CUX2: variants seen among roughly 807,000 people sequenced by gnomAD.
CUX2 encodes cut like homeobox 2, also known as homeobox protein cut-like 2.
CUX2 carries 40 observed loss-of-function variants against 144.8 expected under a neutral mutation model. The ratio of observed to expected loss-of-function variants is 0.28; its 90% confidence interval spans 0.21 to 0.36. The LOEUF (loss-of-function observed/expected upper bound fraction) is 0.36, where lower values mean the gene tolerates loss of function less well. CUX2 is among the 10% of genes least tolerant of loss of function. The pLI, the probability that CUX2 is intolerant of heterozygous loss-of-function variation, is 1.00. For synonymous variants in CUX2, 827 were observed against 875.6 expected (o/e 0.94, Z 0.98); for missense variants, 1,615 against 1,994.0 (o/e 0.81, Z 3.62).
In CUX2 at chr12:111,309,718, T is replaced by C. The variant is rs570383203; in HGVS notation, c.1259-323T>C. On this transcript the variant is annotated intron_variant, in intron 14 of 21. Coordinates refer to ENST00000261726, the MANE Select transcript of CUX2 (RefSeq NM_015267.4). ...CTGCCTCTCTCTGTCATGTGGTTTT[T>C]CACTCTGTCTCTTTGTCTCTTTATC... is the stretch of plus-strand genomic sequence containing the variant. 2.7e-4 allele frequency among the ~76,000 whole-genome samples: 41 copies of C among 151,874 alleles called. 1 individual carries two copies. In the South Asian group the frequency reaches 6.7e-3, roughly 25 times the overall value.
chr12:111,140,814 T>C (rs1265244378), intron 1 of CUX2, among the ~76,000 whole-genome samples: 1 of 152,216 alleles, frequency 6.6e-6, no homozygotes, highest in South Asian at 2.1e-4. Flanking sequence ...GAGCTTCAGT[T>C]TTCCCCTCTC....
chr12:111,152,132 A>T (rs1877086949), intron 1 of CUX2, among the ~76,000 whole-genome samples: 1 of 151,976 alleles, frequency 6.6e-6, no homozygotes, highest in Non-Finnish European at 1.5e-5. Flanking sequence ...AAAAATACAA[A>T]AATTAGCTGG....
At chr12:111,253,464 C>T (rs567171164) in intron 3 of CUX2, among the ~76,000 whole-genome samples, 8 of 152,320 alleles carry the variant, frequency 5.3e-5, no homozygotes, top group Non-Finnish European at 7.3e-5. Context: ...AAGCTCCCCA[C>T]GACGCCTTCC....
chr12:111,100,199 G>A (rs1873129469), intron 1 of CUX2: 4 of 373,040 alleles, frequency 1.1e-5, no homozygotes, highest in Non-Finnish European at 2.1e-5. Context: ...GTGTGTGTGT[G>A]TGTATGTGTG....
chr12:111,103,539 C>T (rs1233172353), intron 1 of CUX2, among the ~76,000 whole-genome samples: 1 of 152,164 alleles, frequency 6.6e-6, no homozygotes, highest in Non-Finnish European at 1.5e-5. Flanking sequence ...GTGCTCAGTG[C>T]TGGGATGCAA....
chr12:111,088,378 G>C (rs1454663491), intron 1 of CUX2, among the ~76,000 whole-genome samples: 1 of 152,032 alleles, frequency 6.6e-6, no homozygotes. Flanking sequence ...AGGCATGGGA[G>C]CTACCACGCC....
chr12:111,212,849 A>G (rs1429901321), intron 1 of CUX2, among the ~76,000 whole-genome samples: 1 of 152,154 alleles, frequency 6.6e-6, no homozygotes, highest in Non-Finnish European at 1.5e-5. Flanking sequence ...AGATTTACTG[A>G]CTCTCAGACA....
intron 1 of CUX2, among the ~76,000 whole-genome samples, chr12:111,120,067 A>C (rs1874550507): frequency 1.3e-5 from 2 of 152,152 alleles, no homozygotes; most frequent in African/African-American, 4.8e-5. Context: ...CAAAAAAAAA[A>C]ATTTTTTTTA....
chr12:111,331,224 G>A (rs542944218), intron 18 of CUX2, among the ~76,000 whole-genome samples: 37 of 152,128 alleles, frequency 2.4e-4, no homozygotes, highest in African/African-American at 8.7e-4. Flanking sequence ...GGTCTGATCC[G>A]AGTGACCAAC....
At chr12:111,314,634 C>T (rs1887081833) in intron 16 of CUX2, among the ~76,000 whole-genome samples, 1 of 84,150 alleles carries the variant, frequency 1.2e-5, no homozygotes, top group Non-Finnish European at 2.0e-5. Context: ...GAGCAAAACT[C>T]AGTCTAAAAA....
chr12:111,303,296 C>T (rs7307587), intron 9 of CUX2, among the ~76,000 whole-genome samples: 2,720 of 149,756 alleles, frequency 0.018, 93 homozygotes, highest in African/African-American at 0.062. Flanking sequence ...ATTTTAACCA[C>T]TCAAAACCTC....
chr12:111,036,060 C>T (rs1869430029), intron 1 of CUX2, among the ~76,000 whole-genome samples: 1 of 152,106 alleles, frequency 6.6e-6, no homozygotes, highest in African/African-American at 2.4e-5. Flanking sequence ...GACCCGGGCA[C>T]GGCTGGGGGA....
chr12:111,281,156 A>C (rs919686570), intron 4 of CUX2, among the ~76,000 whole-genome samples: 24 of 152,258 alleles, frequency 1.6e-4, no homozygotes, highest in African/African-American at 5.8e-4. Context: ...GATAAATCCC[A>C]ACCCTCATCT....
chr12:111,149,326 C>A (rs183436282), intron 1 of CUX2, among the ~76,000 whole-genome samples: 3 of 151,902 alleles, frequency 2.0e-5, no homozygotes, highest in Non-Finnish European at 4.4e-5. Context: ...CAAGACAATT[C>A]TTCTTCTTCC....
intron 18 of CUX2, among the ~76,000 whole-genome samples, chr12:111,333,559 G>C (rs1248101033): frequency 1.3e-5 from 2 of 152,096 alleles, no homozygotes; most frequent in Non-Finnish European, 2.9e-5. Context: ...TCTGAGTTTG[G>C]TTGCCTGATG....
At chr12:111,196,668 C>A (rs1880260071) in intron 1 of CUX2, among the ~76,000 whole-genome samples, 1 of 152,204 alleles carries the variant, frequency 6.6e-6, no homozygotes, top group Non-Finnish European at 1.5e-5. Context: ...TGATATATAT[C>A]TGAACCATCC....
intron 1 of CUX2, among the ~76,000 whole-genome samples, chr12:111,054,378 T>C (rs1224963520): frequency 2.0e-5 from 3 of 152,204 alleles, no homozygotes; most frequent in Non-Finnish European, 4.4e-5. Context: ...GCATTAGCTG[T>C]GCCAACTTTG....
intron 16 of CUX2, among the ~76,000 whole-genome samples, chr12:111,314,639 T>TAAAAAAAAAAAAAAAAAAAAAAAAAAA (rs954472479): frequency 8.6e-5 from 2 of 23,234 alleles, no homozygotes; most frequent in African/African-American, 3.2e-4. Flanking sequence ...AAACTCAGTC[T>TAAAAAAAAAAAAAAAAAAAAAAAAAAA]AAAAAAAAAA....
intron 1 of CUX2, among the ~76,000 whole-genome samples, chr12:111,073,496 C>T (rs1042667929): frequency 1.3e-5 from 2 of 152,030 alleles, no homozygotes; most frequent in African/African-American, 4.8e-5. Flanking sequence ...CACAGGGGCA[C>T]ACAGTTTTCT....
Sources: allele counts gnomAD v4.1 joint callset (sites outside exome capture counted in the v4.1 genomes callset), GRCh38; gene constraint gnomAD v4.1.1; transcripts MANE v1.5; gene names NCBI Gene and HGNC (gene_info 2026-07-23, HGNC 2026-07-21).